Variants in RAD51B observed in about 807,000 individuals in gnomAD.
RAD51B encodes the protein DNA repair protein RAD51 homolog 2.
Under a neutral mutation model 42.2 loss-of-function variants are expected in RAD51B, and 38 were observed. The observed-to-expected ratio is 0.90, with a 90% CI of 0.70 to 1.18. The LOEUF is 1.18. RAD51B is among the 50% of genes most tolerant of loss of function. The pLI, the probability that RAD51B is intolerant of heterozygous loss-of-function variation, is 0.00. For missense variants in RAD51B, 373 were observed against 400.7 expected (o/e 0.93, Z 0.59); for synonymous variants, 154 against 145.2 (o/e 1.06, Z -0.43).
chr14:67,949,557 A>G (rs914299917), intron 7 of RAD51B, among the ~76,000 whole-genome samples: 1 of 152,140 alleles, frequency 6.6e-6, no homozygotes, highest in African/African-American at 2.4e-5. Context: ...AAAGTAGTCC[A>G]TGAGGGTTGG....
intron 9 of RAD51B, among the ~76,000 whole-genome samples, chr14:68,448,566 A>G (rs1299314113): frequency 6.6e-6 from 1 of 152,246 alleles, no homozygotes. Context: ...GAATTAATAT[A>G]ACATTAAATA....
chr14:68,249,676 AGT>A (rs935296476), intron 7 of RAD51B, among the ~76,000 whole-genome samples: 2 of 152,216 alleles, frequency 1.3e-5, no homozygotes, highest in Non-Finnish European at 2.9e-5. Context: ...AGTATTTTTT[AGT>A]GTTTAGCTGG....
chr14:68,261,781 C>T (rs1032457339), intron 7 of RAD51B, among the ~76,000 whole-genome samples: 1 of 151,136 alleles, frequency 6.6e-6, no homozygotes, highest in Admixed American at 6.6e-5. Flanking sequence ...CTGGGACTCA[C>T]ATTCACCCCT....
At chr14:68,440,753 AAAAG>A (rs548379344) in intron 9 of RAD51B, among the ~76,000 whole-genome samples, 39 of 152,006 alleles carry the variant, frequency 2.6e-4, no homozygotes, top group Non-Finnish European at 3.7e-4. Context: ...TCTCAAAAAA[AAAAG>A]AAAGAAAGAA....
intron 10 of RAD51B, among the ~76,000 whole-genome samples, chr14:68,635,156 C>T (rs1207566217): frequency 6.6e-6 from 1 of 152,146 alleles, no homozygotes; most frequent in African/African-American, 2.4e-5. Context: ...GAGTATCCCC[C>T]CCTCAATTTC....
chr14:68,628,237 A>G (rs1892137000), intron 10 of RAD51B: 1 of 152,202 alleles, frequency 6.6e-6, no homozygotes, highest in South Asian at 2.1e-4. Context: ...AACATGGAAG[A>G]TGACTATTTC....
chr14:68,616,356 G>A (rs991371874), downstream of RAD51B, among the ~76,000 whole-genome samples: 5 of 151,938 alleles, frequency 3.3e-5, no homozygotes, highest in East Asian at 1.9e-4. Context: ...TCATTATATC[G>A]CTGGATACAG....
At chr14:68,616,554 T>C (rs1402524578), downstream of RAD51B, among the ~76,000 whole-genome samples, 1 of 152,222 alleles carries the variant, frequency 6.6e-6, no homozygotes, top group African/African-American at 2.4e-5. Context: ...TGATGTACTT[T>C]GGTATGATGG....
chr14:68,361,001 G>A (rs1425864446), intron 8 of RAD51B, among the ~76,000 whole-genome samples: 1 of 152,220 alleles, frequency 6.6e-6, no homozygotes, highest in Non-Finnish European at 1.5e-5. Context: ...GGGTTTTAGG[G>A]AGAAGGGAGA....
At chr14:68,184,624 C>CAAAAAAA (rs1491382522) in intron 7 of RAD51B, among the ~76,000 whole-genome samples, 1 of 129,580 alleles carries the variant, frequency 7.7e-6, no homozygotes, top group African/African-American at 3.0e-5. Flanking sequence ...AAAAAAAAAA[C>CAAAAAAA]CAAAAAAAAA....
intron 4 of RAD51B, among the ~76,000 whole-genome samples, chr14:67,843,886 G>A (rs1466532606): frequency 6.6e-6 from 1 of 150,680 alleles, no homozygotes; most frequent in Admixed American, 6.6e-5. Flanking sequence ...CTTATCTTCT[G>A]CTAGCTTTGG....
At chr14:68,201,420 TG>T (rs1275029724) in intron 7 of RAD51B, among the ~76,000 whole-genome samples, 1 of 152,248 alleles carries the variant, frequency 6.6e-6, no homozygotes, top group Admixed American at 6.5e-5. Flanking sequence ...AAAAACCATT[TG>T]GTTTTAACCT....
At chr14:68,151,276 A>G (rs2078373451) in intron 7 of RAD51B, among the ~76,000 whole-genome samples, 1 of 151,688 alleles carries the variant, frequency 6.6e-6, no homozygotes, top group South Asian at 2.1e-4. Context: ...AACTGTGCTT[A>G]TCCTTATCTT....
At chr14:68,400,453 C>T (rs1332907297) in intron 8 of RAD51B, among the ~76,000 whole-genome samples, 1 of 152,184 alleles carries the variant, frequency 6.6e-6, no homozygotes, top group Non-Finnish European at 1.5e-5. Context: ...TGTATTCATT[C>T]TGCCTCAGCC....
At chr14:68,544,830 T>G (rs566474754) in intron 10 of RAD51B, among the ~76,000 whole-genome samples, 8 of 152,190 alleles carry the variant, frequency 5.3e-5, no homozygotes, top group Admixed American at 5.2e-4. Flanking sequence ...TTTATTGAAG[T>G]TTTTTCATGG....
At chr14:67,983,702 A>G (rs1285328843) in intron 7 of RAD51B, among the ~76,000 whole-genome samples, 2 of 152,038 alleles carry the variant, frequency 1.3e-5, no homozygotes, top group African/African-American at 4.8e-5. Context: ...TTGTTTTTTA[A>G]TTTTTATTTG....
At chr14:68,198,085 CTT>C (rs1263699165) in intron 7 of RAD51B, among the ~76,000 whole-genome samples, 1 of 152,042 alleles carries the variant, frequency 6.6e-6, no homozygotes, top group Non-Finnish European at 1.5e-5. Flanking sequence ...TGTTTCATCT[CTT>C]ATGTTTATGA....
At chr14:68,054,788 A>G (rs1365427636) in intron 7 of RAD51B, among the ~76,000 whole-genome samples, 1 of 152,146 alleles carries the variant, frequency 6.6e-6, no homozygotes, top group Non-Finnish European at 1.5e-5. Flanking sequence ...TGTCCGTTGG[A>G]AGCATAGGCA....
At chr14:68,350,057 A>C (rs1188123168) in intron 8 of RAD51B, among the ~76,000 whole-genome samples, 1 of 152,202 alleles carries the variant, frequency 6.6e-6, no homozygotes, top group African/African-American at 2.4e-5. Flanking sequence ...CTTGAAACTC[A>C]GCTGCAGCTT....
Sources: gnomAD v4.1 joint callset for allele counts (sites outside exome capture counted in the v4.1 genomes callset) on GRCh38, gnomAD v4.1.1 for gene constraint, MANE v1.5 for transcripts, NCBI Gene and HGNC (gene_info 2026-07-23, HGNC 2026-07-21) for gene names.